The following KDM4C variants were observed in gnomAD, a reference collection of about 807,000 sequenced individuals.
KDM4C encodes lysine demethylase 4C.
KDM4C carries 81 observed loss-of-function variants against 129.3 expected under a neutral mutation model. The observed-to-expected ratio is 0.63, with a 90% confidence interval of 0.52 to 0.75. The LOEUF is 0.75. KDM4C is among the 30% of genes least tolerant of loss of function. KDM4C has a pLI of 0.00. For synonymous variants in KDM4C, 573 were observed against 456.1 expected, an observed-to-expected ratio of 1.26 and a Z score of -3.26; for missense variants, 1,457 against 1,304.0, an observed-to-expected ratio of 1.12 and a Z score of -1.81.
intron 4 of KDM4C, among the ~76,000 whole-genome samples, chr9:6,840,143 GC>G (rs1483120008): frequency 6.8e-6 from 1 of 148,146 alleles, no homozygotes; most frequent in Admixed American, 6.8e-5. Context: ...CACAATCATG[GC>G]TCACTGCAGC....
intron 8 of KDM4C, chr9:6,902,871 T>G (rs1220462698): frequency 1.3e-5 from 2 of 152,206 alleles, no homozygotes; most frequent in Non-Finnish European, 2.9e-5. Context: ...TGCCAATAAC[T>G]AACAGTGGGT....
intron 1 of KDM4C, among the ~76,000 whole-genome samples, chr9:6,747,454 A>G (rs1817919845): frequency 6.8e-6 from 1 of 148,090 alleles, no homozygotes; most frequent in South Asian, 2.2e-4. Flanking sequence ...AGGCTGAGGC[A>G]GGAGAATAGT....
chr9:6,870,155 T>G (rs890215818), intron 5 of KDM4C, among the ~76,000 whole-genome samples: 1 of 152,138 alleles, frequency 6.6e-6, no homozygotes, highest in African/African-American at 2.4e-5. Flanking sequence ...TAACAAGAAC[T>G]CCCTTGCATC....
At chr9:6,931,020 C>T (rs575223279) in intron 8 of KDM4C, among the ~76,000 whole-genome samples, 1 of 152,134 alleles carries the variant, frequency 6.6e-6, no homozygotes, top group Non-Finnish European at 1.5e-5. Flanking sequence ...TTGCCTGTGA[C>T]TGATGTCTTC....
At chr9:6,743,574 C>A (rs899303781) in intron 1 of KDM4C, among the ~76,000 whole-genome samples, 1 of 150,576 alleles carries the variant, frequency 6.6e-6, no homozygotes, top group Non-Finnish European at 1.5e-5. Flanking sequence ...GTGGTGGGAT[C>A]TTGGCTCACT....
chr9:7,048,891 A>T lies in KDM4C; in HGVS notation c.2316-201A>T, dbSNP rs529288158. 3.3e-5 allele frequency among the ~76,000 whole-genome samples: 5 copies of T among 152,132 alleles called. No individual in the cohort carries two copies. In the South Asian group the frequency reaches 1.0e-3, roughly 32 times the overall value. On this transcript the variant is annotated intron_variant, in intron 16 of 21. Coordinates refer to ENST00000381309, the MANE Select transcript of KDM4C (RefSeq NM_015061.6). Reference sequence around the variant, plus strand: ...GCCTTTATCAGCTCTTCATGGCACAATGTTGTTGGGCAGCTGTGGTACTGA... The same window carrying T: ...GCCTTTATCAGCTCTTCATGGCACATTGTTGTTGGGCAGCTGTGGTACTGA...
intron 8 of KDM4C, chr9:6,925,342 C>G: frequency 1.0e-6 from 1 of 985,402 alleles, no homozygotes; most frequent in South Asian, 4.7e-5. Flanking sequence ...TGGGCGTCTT[C>G]ATTTTCTTTT....
intron 1 of KDM4C, among the ~76,000 whole-genome samples, chr9:6,740,350 C>T (rs922540439): frequency 1.3e-5 from 2 of 151,956 alleles, no homozygotes; most frequent in Non-Finnish European, 2.9e-5. Flanking sequence ...ACTACAGGCG[C>T]CCGTCACCCC....
intron 5 of KDM4C, among the ~76,000 whole-genome samples, chr9:6,857,970 C>A (rs947875246): frequency 2.2e-5 from 3 of 135,038 alleles, no homozygotes; most frequent in Non-Finnish European, 4.6e-5. Context: ...TGCTATGTTG[C>A]CCAGGCTGGC....
intron 5 of KDM4C, among the ~76,000 whole-genome samples, chr9:6,872,468 G>T (rs1842932073): frequency 6.6e-6 from 1 of 152,116 alleles, no homozygotes. Flanking sequence ...TAATAGTGGG[G>T]TGTTAAAGTC....
intron 8 of KDM4C, chr9:6,924,938 T>C (rs1172596404): frequency 9.1e-6 from 9 of 984,884 alleles, no homozygotes; most frequent in Non-Finnish European, 1.1e-5. Context: ...AATAATGTGT[T>C]CTGACAGTGG....
At chr9:6,805,906 C>G in intron 3 of KDM4C, 132 bp downstream of exon 3, 1 of 726,350 alleles carries the variant, frequency 1.4e-6, no homozygotes, top group Non-Finnish European at 2.1e-6. Context: ...CTTCATTGAA[C>G]TGTTTCTGTT....
At chr9:6,918,760 C>G (rs1325030812) in intron 8 of KDM4C, among the ~76,000 whole-genome samples, 1 of 152,110 alleles carries the variant, frequency 6.6e-6, no homozygotes, top group African/African-American at 2.4e-5. Context: ...ATTTGCATTT[C>G]TCTAATGATT....
At chr9:7,082,292 G>T (rs563149114) in intron 17 of KDM4C, among the ~76,000 whole-genome samples, 1 of 152,300 alleles carries the variant, frequency 6.6e-6, no homozygotes, top group Non-Finnish European at 1.5e-5. Flanking sequence ...GGCCCATTAG[G>T]AATAATGTGT....
intron 17 of KDM4C, among the ~76,000 whole-genome samples, chr9:7,066,909 A>G (rs1163082018): frequency 6.6e-6 from 1 of 152,246 alleles, no homozygotes; most frequent in Non-Finnish European, 1.5e-5. Flanking sequence ...CAATTCATAA[A>G]TATTTTTTGT....
intron 2 of KDM4C, among the ~76,000 whole-genome samples, chr9:6,804,186 T>G (rs1829539150): frequency 6.6e-6 from 1 of 152,248 alleles, no homozygotes; most frequent in Non-Finnish European, 1.5e-5. Context: ...CTGTATCTTT[T>G]CACTCTTAGT....
chr9:6,812,247 A>C (rs974447423), intron 3 of KDM4C, among the ~76,000 whole-genome samples: 3 of 152,012 alleles, frequency 2.0e-5, no homozygotes, highest in African/African-American at 7.2e-5. Context: ...AAAAAAAAAA[A>C]AGTTGTTACT....
At chr9:6,771,323 A>G (rs543821067) in intron 1 of KDM4C, among the ~76,000 whole-genome samples, 1 of 150,942 alleles carries the variant, frequency 6.6e-6, no homozygotes, top group African/African-American at 2.4e-5. Context: ...TAATTTATTT[A>G]TTTTTTGAGA....
chr9:6,766,238 T>C (rs757305698), intron 1 of KDM4C, among the ~76,000 whole-genome samples: 1 of 152,226 alleles, frequency 6.6e-6, no homozygotes, highest in Non-Finnish European at 1.5e-5. Context: ...GCATCTGTAA[T>C]CTGAGAATTT....
Sources: gnomAD v4.1 joint callset for allele counts (sites outside exome capture counted in the v4.1 genomes callset) on GRCh38, gnomAD v4.1.1 for gene constraint, MANE v1.5 for transcripts, NCBI Gene and HGNC (gene_info 2026-07-23, HGNC 2026-07-21) for gene names.